WNT9B: variants seen among roughly 807,000 people sequenced by gnomAD.
WNT9B encodes the protein Wnt family member 9B.
WNT9B carries 12 observed loss-of-function variants against 30.2 expected under a neutral mutation model. The ratio of observed to expected loss-of-function variants is 0.40; its 90% CI spans 0.26 to 0.64. The LOEUF (loss-of-function observed/expected upper bound fraction) is 0.64. Among genes scored for constraint, WNT9B ranks in the 30% least tolerant of loss-of-function variants. The probability of loss-of-function intolerance (pLI) is 0.42; values close to 1 mark genes in which losing one functional copy is unlikely to be tolerated. For missense variants in WNT9B, 442 were observed against 485.2 expected (o/e 0.91, Z 0.84); for synonymous variants, 218 against 216.9 (o/e 1.01, Z -0.05).
At chr17:46,855,243 G>A (rs1255704286) in intron 1 of WNT9B, among the ~76,000 whole-genome samples, 1 of 152,226 alleles carries the variant, frequency 6.6e-6, no homozygotes. Flanking sequence ...GGTGGAGGGA[G>A]CCTCCCTTCC....
chr17:46,882,893 G>T (rs1364836365), downstream of WNT9B, among the ~76,000 whole-genome samples: 1 of 152,114 alleles, frequency 6.6e-6, no homozygotes, highest in Non-Finnish European at 1.5e-5. Flanking sequence ...GTGGCTCTGT[G>T]CAGGCTCCAC....
chr17:46,872,339 A>G (rs1317010883), intron 1 of WNT9B, among the ~76,000 whole-genome samples, 178 bp from the exon 2 acceptor site: 3 of 152,224 alleles, frequency 2.0e-5, no homozygotes, highest in African/African-American at 7.2e-5. Flanking sequence ...GTCCTGCAGC[A>G]ACCTTTGTTA....
chr17:46,838,114 A>G (rs115824129), intron 1 of WNT9B, among the ~76,000 whole-genome samples: 2,592 of 152,190 alleles, frequency 0.017, 89 homozygotes, highest in African/African-American at 0.059. Flanking sequence ...CCCAGAAGTC[A>G]TGGGAGGGGC....
In WNT9B at chr17:46,840,779, T is replaced by A. The variant is rs553858617; in HGVS notation, c.95+7339T>A. Among the ~76,000 whole-genome samples, 10 of 152,384 alleles carry A rather than the reference T, an allele frequency of 6.6e-5. No individual in the cohort carries two copies. The South Asian group carries it at 2.1e-3, about 32-fold the overall frequency. On this transcript the variant is annotated intron_variant, in intron 1 of 2. Coordinates refer to the WNT9B transcript ENST00000575372. ...GATGATGAGCATTTTTTCATGTGTC[T>A]GTTGGCTGCATAAATGTCTTCTTTT... is the stretch of plus-strand genomic sequence containing the variant.
rs1262956507 is a variant in WNT9B at position 46,877,541 on chromosome 17, C to A, written c.*823C>A. ...GTGCACCTGAGGTTGAACAGGGAGACAACGGCCCCTCCCTGTGTTCCCTGC... is the reference window on the plus strand; with the variant it reads ...GTGCACCTGAGGTTGAACAGGGAGAAAACGGCCCCTCCCTGTGTTCCCTGC... On this transcript the variant is annotated 3_prime_UTR_variant, in exon 4 of 4. Transcript: ENST00000290015. 6.6e-6 allele frequency among the ~76,000 whole-genome samples: 1 copy of A among 152,170 alleles called. No homozygotes were observed. Among genetic ancestry groups the A allele is most frequent in the East Asian group, 1.9e-4 (1 of 5,178 alleles).
chr17:46,864,747 T>C (rs1476064299), intron 1 of WNT9B, among the ~76,000 whole-genome samples: 1 of 152,138 alleles, frequency 6.6e-6, no homozygotes, highest in Non-Finnish European at 1.5e-5. Flanking sequence ...TCAAGAGACC[T>C]GGGCCACAGA....
At position 46,875,226 on chromosome 17, in the gene WNT9B, C is replaced by G; in HGVS notation, c.460C>G (p.Arg154Gly). 6.2e-7 allele frequency: 1 copy of G among 1,614,202 alleles called. No homozygotes were observed. The highest frequency in any genetic ancestry group is 8.5e-7 in the Non-Finnish European group (1 of 1,180,036). Residue 154 changes from arginine (R) to glycine (G), a missense_variant, in exon 3 of 4, where the codon CGG becomes GGG. Arg to Gly is a moderately radical substitution (Grantham distance 125). Coordinates refer to ENST00000290015, the MANE Select transcript of WNT9B (RefSeq NM_003396.3). ...TGATGACTCTCCGGGGCTGGAGAGC[C>G]GGCAGGCCTGGCAGTGGGGCGTGTG... ...TCDDSPGLES[R>G]QAWQWGVCGD...
Position 46,877,148 on chromosome 17 carries a change from T to A in WNT9B, c.*430T>A. 1 of 945,792 alleles carries A rather than the reference T, an allele frequency of 1.1e-6. No individual in the cohort carries two copies. Among genetic ancestry groups the A allele is most frequent in the Non-Finnish European group, 1.3e-6 (1 of 793,852 alleles). The allele number at this position is 945,792 out of a possible 1,614,324, so 58.6% of individuals were successfully genotyped here. A position where few individuals can be genotyped will look rare whatever the true frequency, so the allele number is the denominator to read the frequency against. On this transcript the variant is annotated 3_prime_UTR_variant, in exon 4 of 4. Transcript: ENST00000290015. ...GAATGCCAAGGCAGGCAGTGCCAGC[T>A]GGAAGTGAAGGCGGGAGCCTGGCTG...
In WNT9B at chr17:46,838,605, C is replaced by T. The variant is rs566873301; in HGVS notation, c.95+5165C>T. ...TGGCGCCACTGCACTCCAGCCTGGG[C>T]GACAGAGCGAGACCCTGTCTCAAAA... On this transcript the variant is annotated intron_variant, in intron 1 of 2. Transcript: ENST00000575372. Among the ~76,000 whole-genome samples, 29 of 151,548 alleles carry T rather than the reference C, an allele frequency of 1.9e-4. 1 individual carries two copies. Among genetic ancestry groups the T allele is most frequent in the African/African-American group, 4.6e-4 (19 of 41,298 alleles).
At position 46,879,589 on chromosome 17, in the gene WNT9B, CA is replaced by C. The variant is rs2146619162; in HGVS notation, c.*2872del. Among the ~76,000 whole-genome samples the C allele has an allele frequency of 6.6e-6, 1 of 152,346 alleles. No individual in the cohort carries two copies. Among genetic ancestry groups the C allele is most frequent in the African/African-American group, 2.4e-5 (1 of 41,588 alleles). On this transcript the variant is annotated 3_prime_UTR_variant, in exon 4 of 4. Transcript: ENST00000290015. ...GTTATCTCTGTGAGGTAGGTGGGGC[CA>C]CATTACTGTGGCCATTTTATAGATG...
chr17:46,865,242 A>C (rs2085112476), intron 1 of WNT9B, among the ~76,000 whole-genome samples: 1 of 152,178 alleles, frequency 6.6e-6, no homozygotes, highest in South Asian at 2.1e-4. Context: ...TGAGATGCAA[A>C]GCATGCTTGC....
At position 46,876,389 on chromosome 17, in the gene WNT9B, T is replaced by C; in HGVS notation, c.745T>C (p.Ser249Pro). The C allele has an allele frequency of 1.2e-6, 2 of 1,613,886 alleles. No homozygotes were observed. Among genetic ancestry groups the C allele is most frequent in the Non-Finnish European group, 1.7e-6 (2 of 1,180,032 alleles). Residue 249 changes from serine to proline, a missense_variant, in exon 4 of 4, where the codon TCC becomes CCC. Physicochemically the swap from Ser to Pro is moderately conservative, Grantham distance 74. Coordinates refer to ENST00000290015, the MANE Select transcript of WNT9B (RefSeq NM_003396.3). ...GCGCTATGACTCGGCTGTCAAGGTG[T>C]CCAGTGCCACCAATGAGGCCTTGGG... Reference protein sequence around the residue: ...KLRYDSAVKVSSATNEALGRL... With the variant: ...KLRYDSAVKVPSATNEALGRL...
chr17:46,843,872 T>C (rs890434268), intron 1 of WNT9B, among the ~76,000 whole-genome samples: 1 of 152,242 alleles, frequency 6.6e-6, no homozygotes, highest in Non-Finnish European at 1.5e-5. Context: ...AGAACTGACT[T>C]CATCATCTCC....
chr17:46,881,724 G>A (rs1468358295), downstream of WNT9B, among the ~76,000 whole-genome samples: 1 of 152,068 alleles, frequency 6.6e-6, no homozygotes, highest in Admixed American at 6.6e-5. Flanking sequence ...TCACTAGGTG[G>A]GTACCCTACC....
intron 1 of WNT9B, among the ~76,000 whole-genome samples, chr17:46,834,292 G>C (rs1568110717): frequency 6.6e-6 from 1 of 152,212 alleles, no homozygotes; most frequent in Non-Finnish European, 1.5e-5. Flanking sequence ...GGGGGAAGTG[G>C]TGTCCTGGGC....
intron 1 of WNT9B, among the ~76,000 whole-genome samples, chr17:46,857,669 G>T (rs186648878): frequency 4.7e-4 from 72 of 152,206 alleles, no homozygotes; most frequent in African/African-American, 1.6e-3. Context: ...GCATTTTTCA[G>T]AGTGGTTTTA....
At chr17:46,857,638 T>C (rs1485940221) in intron 1 of WNT9B, among the ~76,000 whole-genome samples, 1 of 152,226 alleles carries the variant, frequency 6.6e-6, no homozygotes, top group South Asian at 2.1e-4. Flanking sequence ...ATGGTTGATA[T>C]ATGCATAACT....
intron 1 of WNT9B, among the ~76,000 whole-genome samples, chr17:46,864,785 C>T (rs1225324906): frequency 6.6e-6 from 1 of 152,170 alleles, no homozygotes; most frequent in African/African-American, 2.4e-5. Context: ...GCCAGTGGGT[C>T]GCCTTGGACG....
chr17:46,852,045 C>A (rs1419541329), intron 1 of WNT9B, among the ~76,000 whole-genome samples: 1 of 152,250 alleles, frequency 6.6e-6, no homozygotes, highest in Non-Finnish European at 1.5e-5. Flanking sequence ...CCCGTTCAGG[C>A]GTCAGTCCCG....
Sources: allele counts gnomAD v4.1 joint callset (sites outside exome capture counted in the v4.1 genomes callset), GRCh38; gene constraint gnomAD v4.1.1; transcripts MANE v1.5; gene names NCBI Gene and HGNC (gene_info 2026-07-23, HGNC 2026-07-21).